Variants in FLT1 observed in about 807,000 individuals in gnomAD.
The protein encoded by FLT1 is vascular endothelial growth factor receptor 1.
In FLT1, 49 loss-of-function variants were observed where a neutral mutation model predicts 156.3. The observed-to-expected ratio is 0.31, with a 90% CI of 0.25 to 0.40. FLT1 has a LOEUF of 0.40. Ranked by LOEUF, FLT1 falls within the 10% of genes least tolerant of loss-of-function variation. The pLI, the probability that FLT1 is intolerant of heterozygous loss-of-function variation, is 1.00. For missense variants in FLT1, 1,322 were observed against 1,637.2 expected (o/e 0.81, Z 3.32); for synonymous variants, 594 against 583.8 (o/e 1.02, Z -0.25).
intron 14 of FLT1, among the ~76,000 whole-genome samples, chr13:28,381,315 G>C (rs1874070750): frequency 6.6e-6 from 1 of 152,170 alleles, no homozygotes; most frequent in Non-Finnish European, 1.5e-5. Context: ...CCAGCAATTT[G>C]GGAGGTCAAG....
At chr13:28,315,710 C>T (rs559958783) in intron 25 of FLT1, among the ~76,000 whole-genome samples, 123 of 152,220 alleles carry the variant, frequency 8.1e-4, no homozygotes, top group African/African-American at 2.7e-3. Context: ...TAATTGAGAA[C>T]TTTCTCGAGA....
intron 13 of FLT1, chr13:28,388,737 T>C: frequency 9.5e-7 from 1 of 1,058,162 alleles, no homozygotes; most frequent in Non-Finnish European, 1.1e-6. Context: ...TAAATTTACA[T>C]TTAGAAGAAT....
intron 3 of FLT1, among the ~76,000 whole-genome samples, chr13:28,447,345 ATT>A (rs34508993): frequency 1.3e-5 from 2 of 150,494 alleles, no homozygotes; most frequent in African/African-American, 4.9e-5. Context: ...CACCCAGCTA[ATT>A]TTTTTTTAAA....
rs57419092 is a variant in FLT1 at position 28,300,521 on chromosome 13, C to CCACACA, written c.*2640_*2645dup. 6.2e-3 allele frequency: 1,400 copies of CCACACA among 225,574 alleles called. 10 individuals are homozygous for CCACACA. Among genetic ancestry groups the CCACACA allele is most frequent in the African/African-American group, 0.029 (1,258 of 42,832 alleles). The allele number at this position is 225,574 out of a possible 1,614,324, so 14.0% of individuals were successfully genotyped here. ...AGTTATGCACAAAACACACATACAC[C>CCACACA]CACACACACACACACACACACACAC... On this transcript the variant is annotated 3_prime_UTR_variant, in exon 30 of 30. Coordinates refer to ENST00000282397, the MANE Select transcript of FLT1 (RefSeq NM_002019.4).
Position 28,305,704 on chromosome 13 carries a change from A to G in FLT1, c.3815+974T>C, listed in dbSNP as rs149796188. Among the ~76,000 whole-genome samples the G allele has an allele frequency of 2.0e-5, 3 of 152,362 alleles. No individual in the cohort carries two copies. In the East Asian group the frequency reaches 5.8e-4, roughly 29 times the overall value. On this transcript the variant is annotated intron_variant, in intron 29 of 29. Coordinates refer to ENST00000282397, the MANE Select transcript of FLT1 (RefSeq NM_002019.4). ...GCCCAACTTGTGGCCCACGGGCTGCATGAATCCCAGGATGGCTTTGAGTGC... is the reference window on the plus strand; with the variant it reads ...GCCCAACTTGTGGCCCACGGGCTGCGTGAATCCCAGGATGGCTTTGAGTGC...
intron 12 of FLT1, among the ~76,000 whole-genome samples, chr13:28,390,689 A>C (rs569052463): frequency 6.6e-6 from 1 of 152,240 alleles, no homozygotes; most frequent in East Asian, 1.9e-4. Flanking sequence ...GAGCCACTGC[A>C]CCTGGCCTCA....
chr13:28,323,787 G>T (rs1221975090), intron 20 of FLT1, among the ~76,000 whole-genome samples: 2 of 152,110 alleles, frequency 1.3e-5, no homozygotes, highest in East Asian at 3.8e-4. Flanking sequence ...CAGTGTGCTT[G>T]GTGCTTCACT....
chr13:28,417,266 C>T (rs1876706624), intron 10 of FLT1, among the ~76,000 whole-genome samples: 1 of 152,228 alleles, frequency 6.6e-6, no homozygotes, highest in Admixed American at 6.5e-5. Flanking sequence ...GAACCAACCA[C>T]ATTCATCTCT....
intron 24 of FLT1, among the ~76,000 whole-genome samples, chr13:28,318,471 T>C (rs1261682657): frequency 6.6e-6 from 1 of 152,196 alleles, no homozygotes; most frequent in East Asian, 1.9e-4. Context: ...TCTAATGCAC[T>C]CTTGCTCTAG....
At chr13:28,320,172 G>C (rs1439698161) in intron 23 of FLT1, among the ~76,000 whole-genome samples, 1 of 152,108 alleles carries the variant, frequency 6.6e-6, no homozygotes, top group Non-Finnish European at 1.5e-5. Flanking sequence ...GGATAAAGGA[G>C]AGACAAGGAG....
intron 12 of FLT1, among the ~76,000 whole-genome samples, chr13:28,393,606 A>T (rs1429316716): frequency 6.6e-6 from 1 of 152,134 alleles, no homozygotes; most frequent in Admixed American, 6.5e-5. Flanking sequence ...TGTTGTTTTG[A>T]GGCAGGCTCT....
At chr13:28,308,069 G>A (rs1870828946) in intron 28 of FLT1, among the ~76,000 whole-genome samples, 1 of 152,194 alleles carries the variant, frequency 6.6e-6, no homozygotes, top group South Asian at 2.1e-4. Context: ...ACTGCGCCCG[G>A]CCTCACCAGC....
chr13:28,315,663 T>C (rs947688587), intron 25 of FLT1, among the ~76,000 whole-genome samples: 11 of 152,230 alleles, frequency 7.2e-5, no homozygotes, highest in African/African-American at 2.4e-4. Context: ...TATTTTGATG[T>C]AAAAATATTG....
intron 10 of FLT1, among the ~76,000 whole-genome samples, chr13:28,421,279 A>AC (rs1876982244): frequency 6.6e-6 from 1 of 151,050 alleles, no homozygotes; most frequent in Non-Finnish European, 1.5e-5. Context: ...TTCTTAGAAA[A>AC]CCCCCCATTT....
At position 28,345,494 on chromosome 13, in the gene FLT1, G is replaced by A. The variant is rs200840674; in HGVS notation, c.2306C>T (p.Ala769Val). 1.6e-4 allele frequency: 260 copies of A among 1,613,064 alleles called. No individual in the cohort carries two copies. The highest frequency in any genetic ancestry group is 2.1e-4 in the Non-Finnish European group (242 of 1,179,440). The change falls in exon 16 of 30, where the codon GCG (alanine) becomes GTG (valine). Residue 769 changes from alanine to valine, a missense_variant. Physicochemically the swap from Ala to Val is moderately conservative, Grantham distance 64. Around this residue, in one of 3 missense-constraint regions of FLT1, gnomAD observed 991 missense variants for 1,254.8 expected, o/e 0.79. Transcript: ENST00000282397. ...LITLTCTCVA[A>V]TLFWLLLTLF... ...GGTTAATAGGAGCCAGAAGAGAGTC[G>A]CAGCCACACAGGTGCATGTTAGAGT...
rs78617293 is a variant in FLT1, at chr13:28,435,053, T to G, written c.514-833A>C. On this transcript the variant is annotated intron_variant, in intron 4 of 29. Transcript: ENST00000282397. ...AAAGAGTGTAAATAATTCCAGGTCCTCCAAGATTCATAACATTAACTCAGC... is the reference window on the plus strand; with the variant it reads ...AAAGAGTGTAAATAATTCCAGGTCCGCCAAGATTCATAACATTAACTCAGC... 6.0e-3 allele frequency among the ~76,000 whole-genome samples: 910 copies of G among 152,290 alleles called. 12 individuals are homozygous for G. Among genetic ancestry groups the G allele is most frequent in the African/African-American group, 0.02 (842 of 41,560 alleles).
At chr13:28,446,698 T>C (rs1354449681) in intron 3 of FLT1, among the ~76,000 whole-genome samples, 1 of 152,200 alleles carries the variant, frequency 6.6e-6, no homozygotes, top group Non-Finnish European at 1.5e-5. Flanking sequence ...TTAGAAGACT[T>C]AATATTGTTA....
At position 28,308,870 on chromosome 13, in the gene FLT1, A is replaced by G; in HGVS notation, c.3693T>C (p.Leu1231=). 6.2e-7 allele frequency: 1 copy of G among 1,612,894 alleles called. No individual in the cohort carries two copies. Among genetic ancestry groups the G allele is most frequent in the South Asian group, 1.1e-5 (1 of 91,048 alleles). ...SLERIKTFEE[L]LPNATSMFDD... is the part of the protein sequence containing the mutation. ...CAAACATGGAGGTGGCATTCGGTAA[A>G]AGTTCTTCAAAGGTTTTGATTCTTT... Residue 1231 remains leucine, a synonymous_variant, in exon 28 of 30, where the codon CTT becomes CTC. Transcript: ENST00000282397.
At chr13:28,484,422 A>G (rs1293440129) in intron 1 of FLT1, among the ~76,000 whole-genome samples, 2 of 152,202 alleles carry the variant, frequency 1.3e-5, no homozygotes, top group African/African-American at 2.4e-5. Flanking sequence ...GTTTAAAGCC[A>G]TATCTAGGAG....
Sources: gnomAD v4.1 joint callset for allele counts (sites outside exome capture counted in the v4.1 genomes callset) on GRCh38, gnomAD v4.1.1 for gene constraint, gnomAD v4.1.1 regional missense constraint, MANE v1.5 for transcripts, NCBI Gene and HGNC (gene_info 2026-07-23, HGNC 2026-07-21) for gene names.